Variants in RTKN observed in about 807,000 individuals in gnomAD.
RTKN encodes the protein rhotekin.
RTKN carries 49 observed loss-of-function variants against 63.5 expected under a neutral mutation model. The ratio of observed to expected loss-of-function variants is 0.77; its 90% CI spans 0.61 to 0.98. RTKN has a LOEUF of 0.98. Ranked by LOEUF, RTKN falls within the 50% of genes least tolerant of loss-of-function variation. The pLI, the probability that RTKN is intolerant of heterozygous loss-of-function variation, is 0.00. For missense variants in RTKN, 685 were observed against 740.8 expected (o/e 0.92, Z 0.87); for synonymous variants, 295 against 290.4 (o/e 1.02, Z -0.16).
chr2:74,432,317 T>C, intron 2 of RTKN, 150 bp downstream of exon 2: 1 of 821,690 alleles, frequency 1.2e-6, no homozygotes, highest in South Asian at 1.4e-5. Context: ...ACAGTGGTGG[T>C]AAAACACCAA....
intron 1 of RTKN, chr2:74,440,230 C>T: frequency 1.9e-6 from 1 of 538,526 alleles, no homozygotes; most frequent in Non-Finnish European, 2.4e-6. Context: ...GTGAGGACCT[C>T]AGGGGAGAGT....
chr2:74,426,922 G>T, intron 11 of RTKN: 2 of 985,318 alleles, frequency 2.0e-6, no homozygotes, highest in Non-Finnish European at 2.4e-6. Context: ...CAGAAAAGAA[G>T]AAATTAGGAA....
Position 74,429,460 on chromosome 2 carries a change from C to T in RTKN, c.755+368G>A, listed in dbSNP as rs544232245. The stretch of plus-strand genomic sequence containing the variant: ...ATTTGCTAGGCTGAGTGCTGTGGCT[C>T]ACGCCTGTAATCCTACCACTTTGGG... On this transcript the variant is annotated intron_variant, in intron 6 of 11. Transcript: ENST00000272430. Among the ~76,000 whole-genome samples, 22 of 152,316 alleles carry T rather than the reference C, an allele frequency of 1.4e-4. 1 individual carries two copies. The highest frequency in any genetic ancestry group is 5.9e-5 in the Non-Finnish European group (4 of 68,026).
At position 74,428,882 on chromosome 2, in the gene RTKN, T is replaced by C. The variant is rs776978733; in HGVS notation, c.816A>G (p.Gly272=). 1 of 1,614,160 alleles carries C rather than the reference T, an allele frequency of 6.2e-7. No homozygotes were observed. Among genetic ancestry groups the C allele is most frequent in the South Asian group, 1.1e-5 (1 of 91,086 alleles). ...CAAGGGTGAGGTCATGTGTGCGGAA[T>C]CCATCTTGCACTGCTGCCAGGGTGA... The part of the protein sequence containing the change: ...TTLTLAAVQD[G]FRTHDLTLAS... The change falls in exon 7 of 12, where the codon GGA becomes GGG. Residue 272 remains glycine (G), a synonymous_variant. Coordinates refer to ENST00000272430, the MANE Select transcript of RTKN (RefSeq NM_001015055.2).
In RTKN at chr2:74,428,692, C is replaced by G; in HGVS notation, c.896G>C (p.Arg299Pro). ...CATGCAGAGAGGCTGAGCTGCCAGACGGCAACACACGCTACCATAAAGGGG... is the reference window on the plus strand; with the variant it reads ...CATGCAGAGAGGCTGAGCTGCCAGAGGGCAACACACGCTACCATAAAGGGG... ...WLPLYGSVCC[R>P]LAAQPLCMTQ... is the part of the protein sequence containing the mutation. The change falls in exon 8 of 12, where the codon CGT (arginine) becomes CCT (proline). Residue 299 changes from arginine to proline, a missense_variant. Arg to Pro is a moderately radical substitution (Grantham distance 103). Coordinates refer to ENST00000272430, the MANE Select transcript of RTKN (RefSeq NM_001015055.2). 1 of 1,614,050 alleles carries G rather than the reference C, an allele frequency of 6.2e-7. No homozygotes were observed. The highest frequency in any genetic ancestry group is 8.5e-7 in the Non-Finnish European group (1 of 1,179,978).
chr2:74,429,965 C>G lies in RTKN; in HGVS notation c.618G>C (p.Leu206=), dbSNP rs556202330. Residue 206 remains leucine (L), a synonymous_variant, in exon 6 of 12, where the codon CTG becomes CTC. Coordinates refer to ENST00000272430, the MANE Select transcript of RTKN (RefSeq NM_001015055.2). ...TGGCAAGCCTCTTGGGGCCGCCAGT[C>G]AGGGCCCCCTCTTCTTCCACACAGG... ...YGACVEEEGA[L]TGGPKRLATK... is the part of the protein sequence containing the mutation. 1.6e-5 allele frequency: 26 copies of G among 1,614,266 alleles called. No individual in the cohort carries two copies. In the East Asian group the frequency reaches 5.6e-4, roughly 35 times the overall value.
Position 74,427,247 on chromosome 2 carries a change from T to C in RTKN, c.1282A>G (p.Ile428Val). 1.2e-6 allele frequency: 2 copies of C among 1,614,192 alleles called. No homozygotes were observed. The highest frequency in any genetic ancestry group is 1.3e-5 in the African/African-American group (1 of 75,046). The stretch of plus-strand genomic sequence containing the variant: ...GGAGCAGGAGTTTCAATTTTCATGA[T>C]TTCATCACAGCACTGCTTCCATTGG... ...MSQWKQCCDE[I>V]MKIETPAPRK... Residue 428 changes from isoleucine (I) to valine (V), a missense_variant, in exon 11 of 12, where the codon ATC (isoleucine) becomes GTC (valine). By Grantham distance (29) the Ile-to-Val change is conservative. Coordinates refer to ENST00000272430, the MANE Select transcript of RTKN (RefSeq NM_001015055.2).
chr2:74,427,055 A>G lies in RTKN; in HGVS notation c.1360+114T>C, dbSNP rs542083483. 6.8e-6 allele frequency: 10 copies of G among 1,477,950 alleles called. No individual in the cohort carries two copies. In the East Asian group the frequency reaches 2.3e-4, roughly 34 times the overall value. The allele number at this position is 1,477,950 out of a possible 1,614,324, so 91.6% of individuals were successfully genotyped here. On this transcript the variant is annotated intron_variant, in intron 11 of 11. Transcript: ENST00000272430. Reference sequence around the variant, plus strand: ...GATTGGGTGAGACTTGGGTCCCCAGAGATCTGGTGTAGCCCAGAGTGTGCT... The same window carrying G: ...GATTGGGTGAGACTTGGGTCCCCAGGGATCTGGTGTAGCCCAGAGTGTGCT...
chr2:74,426,751 C>T (rs957858330), intron 11 of RTKN, 177 bp from the exon 12 acceptor site: 2 of 1,373,114 alleles, frequency 1.5e-6, no homozygotes, highest in African/African-American at 1.5e-5. Flanking sequence ...GCTACAGGCT[C>T]TGATAAGACT....
At chr2:74,428,491 G>A in intron 8 of RTKN, 95 bp from the exon 9 acceptor site, 1 of 1,599,148 alleles carries the variant, frequency 6.3e-7, no homozygotes, top group Admixed American at 1.7e-5. Context: ...TGTCCACCCT[G>A]CTGTCCATTC....
At position 74,440,452 on chromosome 2, in the gene RTKN, A is replaced by G. The variant is rs1218145635; in HGVS notation, c.111+1254T>C. 5.1e-6 allele frequency: 5 copies of G among 986,742 alleles called. No homozygotes were observed. The East Asian group carries it at 4.5e-4, about 90-fold the overall frequency. The allele number at this position is 986,742 out of a possible 1,614,324, so 61.1% of individuals were successfully genotyped here. ...CTTCTGCAGGCCCCTTCCCTTCCAG[A>G]CAGGAAACCAGCCCCGATTCCGAGC... On this transcript the variant is annotated intron_variant, in intron 1 of 11. Coordinates refer to ENST00000272430, the MANE Select transcript of RTKN (RefSeq NM_001015055.2).
rs778871923 is a variant in RTKN at position 74,430,637 on chromosome 2, G to A, written c.352C>T (p.Arg118Cys). 14 of 1,613,656 alleles carry A rather than the reference G, an allele frequency of 8.7e-6. No individual in the cohort carries two copies. Among genetic ancestry groups the A allele is most frequent in the Middle Eastern group, 1.7e-4 (1 of 5,832 alleles). ...TTACCAGAGATGCAGACCCGGCCGC[G>A]GCAGGGGGAGCGCTCAGCGGGCGGG... The part of the protein sequence containing the change: ...SGPPAERSPC[R>C]GRVCISDLRI... The change falls in exon 3 of 12, where the codon CGC becomes TGC. Residue 118 changes from arginine (R) to cysteine (C), a missense_variant. Physicochemically the swap from Arg to Cys is radical, Grantham distance 180. Transcript: ENST00000272430.
At position 74,430,629 on chromosome 2, in the gene RTKN, C is replaced by T. The variant is rs1407009622; in HGVS notation, c.360G>A (p.Arg120=). 1.2e-5 allele frequency: 19 copies of T among 1,613,750 alleles called. No individual in the cohort carries two copies. The highest frequency in any genetic ancestry group is 2.2e-5 in the South Asian group (2 of 91,056). ...PPAERSPCRG[R]VCISDLRIPL... is the part of the protein sequence containing the mutation. ...TGTGCTTCTTACCAGAGATGCAGAC[C>T]CGGCCGCGGCAGGGGGAGCGCTCAG... is the stretch of plus-strand genomic sequence containing the variant. The change falls in exon 3 of 12, where the codon CGG becomes CGA. Residue 120 remains arginine (R), a synonymous_variant. Coordinates refer to ENST00000272430, the MANE Select transcript of RTKN (RefSeq NM_001015055.2).
At chr2:74,435,976 C>T (rs1459092814) in intron 1 of RTKN, among the ~76,000 whole-genome samples, 1 of 152,210 alleles carries the variant, frequency 6.6e-6, no homozygotes, top group Non-Finnish European at 1.5e-5. Flanking sequence ...AACCCTTTCC[C>T]AAAGCCCCTC....
At chr2:74,440,447 T>C in intron 1 of RTKN, 13 of 986,662 alleles carry the variant, frequency 1.3e-5, no homozygotes, top group Non-Finnish European at 1.6e-5. Flanking sequence ...CCCCTTCCCT[T>C]CCAGACAGGA....
At chr2:74,441,641 G>A (rs1671370140) in intron 1 of RTKN, 65 bp downstream of exon 1, 1 of 1,192,430 alleles carries the variant, frequency 8.4e-7, no homozygotes, top group East Asian at 2.4e-5. Context: ...AGGGAAGGAG[G>A]CCGAGGTGGC....
chr2:74,430,609 T>A lies in RTKN; in HGVS notation c.373+7A>T. On this transcript the variant is annotated splice_region_variant and intron_variant, in intron 3 of 11. Transcript: ENST00000272430. Reference sequence around the variant, plus strand: ...GTACCAGCAGCTGGGGTAGCTGTGCTTCTTACCAGAGATGCAGACCCGGCC... The same window carrying A: ...GTACCAGCAGCTGGGGTAGCTGTGCATCTTACCAGAGATGCAGACCCGGCC... 6.2e-7 allele frequency: 1 copy of A among 1,614,152 alleles called. No homozygotes were observed. The highest frequency in any genetic ancestry group is 8.5e-7 in the Non-Finnish European group (1 of 1,180,014).
At chr2:74,432,179 C>A in intron 2 of RTKN, 1 of 554,318 alleles carries the variant, frequency 1.8e-6, no homozygotes, top group Admixed American at 2.8e-5. Flanking sequence ...TACTGGATCA[C>A]AGACAGGGCT....
At chr2:74,434,382 G>A (rs1179642609) in intron 1 of RTKN, among the ~76,000 whole-genome samples, 4 of 151,168 alleles carry the variant, frequency 2.6e-5, no homozygotes, top group Non-Finnish European at 5.9e-5. Context: ...CCAGGTTCAA[G>A]CAATTCTTCT....
Sources: gnomAD v4.1 joint callset for allele counts (sites outside exome capture counted in the v4.1 genomes callset) on GRCh38, gnomAD v4.1.1 for gene constraint, MANE v1.5 for transcripts, NCBI Gene and HGNC (gene_info 2026-07-23, HGNC 2026-07-21) for gene names.